BBS9: variants seen among roughly 807,000 people sequenced by gnomAD.
BBS9 encodes Bardet-Biedl syndrome 9.
Under a neutral mutation model 117.7 loss-of-function variants are expected in BBS9, and 89 were observed. The ratio of observed to expected loss-of-function variants is 0.76; its 90% CI spans 0.64 to 0.90. BBS9 has a LOEUF of 0.90. Among genes scored for constraint, BBS9 ranks in the 40% least tolerant of loss-of-function variants. The pLI, the probability that BBS9 is intolerant of heterozygous loss-of-function variation, is 0.00. For synonymous variants in BBS9, 379 were observed against 370.9 expected, an observed-to-expected ratio of 1.02 and a Z score of -0.25; for missense variants, 982 against 1,042.2, an observed-to-expected ratio of 0.94 and a Z score of 0.80.
At chr7:33,194,505 G>T (rs1381706435) in intron 5 of BBS9, among the ~76,000 whole-genome samples, 1 of 152,118 alleles carries the variant, frequency 6.6e-6, no homozygotes, top group Non-Finnish European at 1.5e-5. Flanking sequence ...AATCCACGAA[G>T]TTACATTTTT....
intron 21 of BBS9, among the ~76,000 whole-genome samples, chr7:33,577,159 C>A (rs1164119724): frequency 6.6e-6 from 1 of 152,032 alleles, no homozygotes; most frequent in African/African-American, 2.4e-5. Flanking sequence ...ACCCATCTGA[C>A]AAAGGGCTAA....
chr7:33,359,380 T>C (rs1820210807), intron 16 of BBS9, among the ~76,000 whole-genome samples: 1 of 152,042 alleles, frequency 6.6e-6, no homozygotes, highest in Non-Finnish European at 1.5e-5. Flanking sequence ...GTCCATAAGA[T>C]ACGAATTGTA....
intron 1 of BBS9, among the ~76,000 whole-genome samples, chr7:33,136,813 C>T (rs1423163576): frequency 6.6e-6 from 1 of 152,082 alleles, no homozygotes; most frequent in Non-Finnish European, 1.5e-5. Context: ...GGTTTTGGCT[C>T]AGGGTAATTA....
intron 9 of BBS9, among the ~76,000 whole-genome samples, chr7:33,312,091 C>T (rs901913818): frequency 2.0e-5 from 3 of 152,206 alleles, no homozygotes; most frequent in African/African-American, 7.2e-5. Flanking sequence ...AACCTCTGTT[C>T]CTGCTGCTCC....
At chr7:33,171,973 A>G (rs916947085) in intron 4 of BBS9, among the ~76,000 whole-genome samples, 4 of 151,578 alleles carry the variant, frequency 2.6e-5, no homozygotes, top group African/African-American at 4.9e-5. Flanking sequence ...TGTGAAGACT[A>G]TATCTGGAGG....
intron 16 of BBS9, among the ~76,000 whole-genome samples, chr7:33,367,457 C>G (rs545255605): frequency 6.6e-6 from 1 of 152,228 alleles, no homozygotes; most frequent in South Asian, 2.1e-4. Flanking sequence ...CCTACTGGCT[C>G]GGTAATAGCT....
chr7:33,445,761 G>A (rs1441798447), intron 19 of BBS9, among the ~76,000 whole-genome samples: 3 of 152,196 alleles, frequency 2.0e-5, no homozygotes, highest in Non-Finnish European at 2.9e-5. Flanking sequence ...GTTCCCCCAT[G>A]CTGTTCTCGT....
At chr7:33,131,043 G>A (rs1789517569) in intron 1 of BBS9, among the ~76,000 whole-genome samples, 1 of 152,122 alleles carries the variant, frequency 6.6e-6, no homozygotes, top group Admixed American at 6.6e-5. Flanking sequence ...TAAAATACAT[G>A]AAATTATTAT....
rs756325837 is a variant in BBS9 at position 33,624,182 on chromosome 7, C to T, written c.2522-10995C>T. Among the ~76,000 whole-genome samples, 46 of 152,044 alleles carry T rather than the reference C, an allele frequency of 3.0e-4. 1 individual carries two copies. Among genetic ancestry groups the T allele is most frequent in the Non-Finnish European group, 7.4e-5 (5 of 68,010 alleles). The stretch of plus-strand genomic sequence containing the variant: ...AGAGCTTTTTGTCAGACTTTATTTC[C>T]CTTGGTTTAAGAAAACAATGGCTAT... On this transcript the variant is annotated intron_variant, in intron 21 of 21. Transcript: ENST00000671952.
Position 33,388,040 on chromosome 7 carries a change from G to A in BBS9, c.2011G>A (p.Val671Ile), listed in dbSNP as rs766324306. The A allele has an allele frequency of 6.2e-7, 1 of 1,614,134 alleles. No individual in the cohort carries two copies. Among genetic ancestry groups the A allele is most frequent in the Non-Finnish European group, 8.5e-7 (1 of 1,180,006 alleles). The change falls in exon 19 of 23, where the codon GTA (valine) becomes ATA (isoleucine). Residue 671 changes from valine (V) to isoleucine (I), a missense_variant. Physicochemically the swap from Val to Ile is conservative, Grantham distance 29. Coordinates refer to ENST00000242067, the MANE Select transcript of BBS9 (RefSeq NM_198428.3). ...KLEELLSERA[V>I]QFRAIQRRLL... ...AGAAGAACTCTTATCTGAGAGAGCT[G>A]TACAATTTCGGGCCATTCAACGCCG...
intron 9 of BBS9, among the ~76,000 whole-genome samples, chr7:33,328,062 G>C (rs185383110): frequency 2.4e-4 from 36 of 152,278 alleles, no homozygotes; most frequent in Admixed American, 2.2e-3. Flanking sequence ...TCTGGCTGGA[G>C]ATATAGAGGT....
intron 4 of BBS9, among the ~76,000 whole-genome samples, chr7:33,172,013 C>G (rs1028045559): frequency 1.8e-5 from 2 of 111,046 alleles, no homozygotes; most frequent in African/African-American, 3.2e-5. Flanking sequence ...AGCCAGTAGG[C>G]AAGCAGGAAA....
intron 19 of BBS9, among the ~76,000 whole-genome samples, chr7:33,415,356 T>TAC (rs1254633874): frequency 6.6e-6 from 1 of 152,136 alleles, no homozygotes; most frequent in Non-Finnish European, 1.5e-5. Context: ...AGAAGATGCC[T>TAC]CTAAGAGACC....
At chr7:33,438,381 G>A (rs934597225) in intron 19 of BBS9, among the ~76,000 whole-genome samples, 7 of 152,050 alleles carry the variant, frequency 4.6e-5, no homozygotes, top group African/African-American at 9.7e-5. Context: ...AGGAAACCAG[G>A]TACAAAATTA....
At chr7:33,542,679 C>T (rs66929573) in intron 21 of BBS9, among the ~76,000 whole-genome samples, 69,223 of 149,392 alleles carry the variant, frequency 0.46, 16,718 homozygotes, top group South Asian at 0.57. Context: ...TTTATGCCTG[C>T]GTAGTATTCC....
rs1458766012 is a variant in BBS9, at chr7:33,383,749, GA to G, written c.1878del (p.Lys626AsnfsTer23). On this transcript the variant is annotated frameshift_variant, in exon 18 of 23. Coordinates refer to ENST00000242067, the MANE Select transcript of BBS9 (RefSeq NM_198428.3). LOFTEE classifies it high-confidence loss of function. ...TATTCTTCGCCTTCAAGAATATTTTGAAAAACAGGGAGTCAAAGATTTTGCA... is the reference window on the plus strand; with the variant it reads ...TATTCTTCGCCTTCAAGAATATTTTGAAAACAGGGAGTCAAAGATTTTGCA... ...ELILRLQEYF[E>X]KQGVKDFACS... 6.2e-7 allele frequency: 1 copy of G among 1,612,504 alleles called. No individual in the cohort carries two copies. The highest frequency in any genetic ancestry group is 8.5e-7 in the Non-Finnish European group (1 of 1,179,498).
chr7:33,314,006 A>G (rs78433225), intron 9 of BBS9, among the ~76,000 whole-genome samples: 10,487 of 152,254 alleles, frequency 0.069, 419 homozygotes, highest in African/African-American at 0.079. Context: ...ATGTATTATT[A>G]CGAAGCTTTT....
intron 20 of BBS9, among the ~76,000 whole-genome samples, chr7:33,519,797 G>A (rs1256073902): frequency 2.0e-5 from 3 of 152,068 alleles, no homozygotes; most frequent in African/African-American, 7.2e-5. Context: ...TGGGAAAGAC[G>A]GGCTCTGGGC....
intron 19 of BBS9, among the ~76,000 whole-genome samples, chr7:33,492,071 C>T (rs989327919): frequency 1.3e-5 from 2 of 151,494 alleles, no homozygotes; most frequent in Admixed American, 6.6e-5. Context: ...GGCGTGGTGG[C>T]GAATGCCTAT....
Sources: allele counts gnomAD v4.1 joint callset (sites outside exome capture counted in the v4.1 genomes callset), GRCh38; gene constraint gnomAD v4.1.1; transcripts MANE v1.5; gene names NCBI Gene and HGNC (gene_info 2026-07-23, HGNC 2026-07-21).